Variants in MYH9 observed in about 807,000 individuals in gnomAD.
MYH9 encodes myosin heavy chain 9, also known as myosin-9.
Under a neutral mutation model 241.9 loss-of-function variants are expected in MYH9, and 29 were observed. That is an observed-to-expected ratio of 0.12 (90% confidence interval 0.09 to 0.16). The LOEUF is 0.16. Among genes scored for constraint, MYH9 ranks in the 10% least tolerant of loss-of-function variants. The pLI, the probability that MYH9 is intolerant of heterozygous loss-of-function variation, is 1.00. For missense variants in MYH9, 1,803 were observed against 2,595.5 expected (o/e 0.69, Z 6.63); for synonymous variants, 1,047 against 1,062.6 (o/e 0.99, Z 0.29).
chr22:36,323,202 C>T (rs1043295031), intron 5 of MYH9, among the ~76,000 whole-genome samples: 4 of 152,182 alleles, frequency 2.6e-5, no homozygotes, highest in Non-Finnish European at 4.4e-5. Flanking sequence ...TCCCTGGATC[C>T]CCACCATACT....
chr22:36,386,744 G>A (rs899121668), intron 1 of MYH9, among the ~76,000 whole-genome samples: 9 of 152,242 alleles, frequency 5.9e-5, no homozygotes, highest in Admixed American at 5.2e-4. Context: ...GCTAGTGCTG[G>A]GGGTGCTGAG....
At chr22:36,335,992 G>A (rs990281325) in intron 3 of MYH9, among the ~76,000 whole-genome samples, 1 of 152,192 alleles carries the variant, frequency 6.6e-6, no homozygotes, top group African/African-American at 2.4e-5. Flanking sequence ...CACTCTGAGC[G>A]GCTGCTGGGT....
Position 36,285,583 on chromosome 22 carries a change from C to A in MYH9, c.5274+75G>T. ...AGCTGGCACTTGGCCTGTGCTTCTG[C>A]CGGCTGGGTCCAAGGCCAGCTCTGC... is the stretch of plus-strand genomic sequence containing the variant. On this transcript the variant is annotated intron_variant, in intron 37 of 40. Coordinates refer to ENST00000216181, the MANE Select transcript of MYH9 (RefSeq NM_002473.6). This position sits in a 1 kb window ranked among gnomAD's most constrained non-coding sequence, Gnocchi z 7.0. 2 of 1,597,526 alleles carry A rather than the reference C, an allele frequency of 1.3e-6. No individual in the cohort carries two copies. Among genetic ancestry groups the A allele is most frequent in the Non-Finnish European group, 1.7e-6 (2 of 1,175,360 alleles).
chr22:36,304,301 C>A lies in MYH9; in HGVS notation c.2230-146G>T, dbSNP rs2016935484. ...TGGAGAGCAGAAAGCCATCTCCTCT[C>A]CCTCCTTCTTCCTGTTCCCTATCTC... On this transcript the variant is annotated intron_variant, in intron 18 of 40. Transcript: ENST00000216181. The A allele has an allele frequency of 8.4e-6, 7 of 831,270 alleles. No homozygotes were observed. The Admixed American group carries it at 1.4e-4, about 16-fold the overall frequency. 51.5% of individuals were successfully genotyped at this position (831,270 alleles called of 1,614,324 possible). A position where few individuals can be genotyped will look rare whatever the true frequency, so the allele number is the denominator to read the frequency against.
chr22:36,378,314 C>A lies in MYH9; in HGVS notation c.-20+9493G>T, dbSNP rs117790903. Among the ~76,000 whole-genome samples the A allele has an allele frequency of 5.8e-4, 89 of 152,176 alleles. 1 individual carries two copies. The East Asian group carries it at 0.012, about 20-fold the overall frequency. On this transcript the variant is annotated intron_variant, in intron 1 of 40. Transcript: ENST00000216181. ...AGATGAAGGGGAGGAAGAGGAGGAA[C>A]AGACCACTTCACATCCATTTATAAT...
At chr22:36,319,858 T>G (rs898809380) in intron 9 of MYH9, 11 of 638,324 alleles carry the variant, frequency 1.7e-5, no homozygotes, top group Non-Finnish European at 5.6e-6. Flanking sequence ...CTGTCCGCAC[T>G]GCCATTCATG....
In MYH9 at chr22:36,285,511, TTTCAGGTCCA is replaced by T; in HGVS notation, c.5274+137_5274+146del. ...CCAACACAGAAGCCAGAGGGGGACC[TTTCAGGTCCA>T]GGTGCCTGGACATTTTCCCCTAAGC... On this transcript the variant is annotated intron_variant, in intron 37 of 40. Transcript: ENST00000216181. The surrounding 1 kb of genome is among the most constrained non-coding windows in gnomAD (Gnocchi z 7.0). 7.2e-7 allele frequency: 1 copy of T among 1,391,166 alleles called. No homozygotes were observed. The highest frequency in any genetic ancestry group is 2.0e-5 in the Admixed American group (1 of 51,156). The allele number at this position is 1,391,166 out of a possible 1,614,324, so 86.2% of individuals were successfully genotyped here.
rs2016505985 is a variant in MYH9 at position 36,282,421 on chromosome 22, G to GC, written c.*246dup. On this transcript the variant is annotated 3_prime_UTR_variant, in exon 41 of 41. Coordinates refer to ENST00000216181, the MANE Select transcript of MYH9 (RefSeq NM_002473.6). ...AGCCTGCTGGTCGCTCTCTGCCTGG[G>GC]CCCGGGCCCTGTCTCTTTGGTATCA... 1 of 620,136 alleles carries GC rather than the reference G, an allele frequency of 1.6e-6. No homozygotes were observed. The highest frequency in any genetic ancestry group is 2.6e-5 in the Admixed American group (1 of 38,088). 38.4% of individuals were successfully genotyped at this position (620,136 alleles called of 1,614,324 possible).
chr22:36,287,057 C>T (rs1443592290), intron 34 of MYH9: 15 of 672,288 alleles, frequency 2.2e-5, no homozygotes, highest in South Asian at 1.1e-4. Context: ...TGTTCGTCAC[C>T]GTGGACGTGA....
intron 1 of MYH9, among the ~76,000 whole-genome samples, chr22:36,359,528 G>A (rs2017904478): frequency 6.6e-6 from 1 of 152,210 alleles, no homozygotes; most frequent in Non-Finnish European, 1.5e-5. Flanking sequence ...AAAACAAAAA[G>A]GGAAAGAATG....
intron 1 of MYH9, among the ~76,000 whole-genome samples, chr22:36,354,953 CA>C (rs1371845347): frequency 2.0e-5 from 1 of 49,154 alleles, no homozygotes; most frequent in Admixed American, 2.2e-4. Context: ...AAACAAAAAA[CA>C]AAACACACAC....
intron 31 of MYH9, among the ~76,000 whole-genome samples, chr22:36,291,382 C>A (rs1001905209): frequency 3.3e-5 from 5 of 152,100 alleles, no homozygotes; most frequent in Non-Finnish European, 7.4e-5. Flanking sequence ...ACCTTACCCC[C>A]AACCCTGTGC....
chr22:36,301,331 C>A (rs1217832939), intron 21 of MYH9, among the ~76,000 whole-genome samples: 1 of 152,206 alleles, frequency 6.6e-6, no homozygotes, highest in Non-Finnish European at 1.5e-5. Flanking sequence ...GAACGTTCCA[C>A]TCTATTAAGT....
At chr22:36,349,791 A>C (rs1262880734) in intron 1 of MYH9, among the ~76,000 whole-genome samples, 1 of 152,150 alleles carries the variant, frequency 6.6e-6, no homozygotes, top group Non-Finnish European at 1.5e-5. Context: ...ACAATCAAGA[A>C]AACTATTGTG....
At chr22:36,340,944 A>G (rs1449683004) in intron 3 of MYH9, among the ~76,000 whole-genome samples, 2 of 152,068 alleles carry the variant, frequency 1.3e-5, no homozygotes, top group African/African-American at 4.8e-5. Flanking sequence ...GGCAGAAGCC[A>G]CCCGAGGCTC....
intron 1 of MYH9, among the ~76,000 whole-genome samples, chr22:36,379,812 T>C (rs1432579794): frequency 6.6e-6 from 1 of 152,200 alleles, no homozygotes; most frequent in African/African-American, 2.4e-5. Context: ...GACTCCCAGC[T>C]GCTCCAGCGC....
At chr22:36,382,087 C>T (rs908403568) in intron 1 of MYH9, among the ~76,000 whole-genome samples, 1 of 152,134 alleles carries the variant, frequency 6.6e-6, no homozygotes, top group African/African-American at 2.4e-5. Flanking sequence ...ATTGGCCTCC[C>T]AAAGTGCTGG....
At chr22:36,369,025 C>T (rs993458928) in intron 1 of MYH9, among the ~76,000 whole-genome samples, 2 of 152,044 alleles carry the variant, frequency 1.3e-5, no homozygotes, top group African/African-American at 4.8e-5. Context: ...CACGCTGGTC[C>T]TCCAAGGTGT....
chr22:36,302,207 G>T, intron 20 of MYH9: 1 of 286,972 alleles, frequency 3.5e-6, no homozygotes, highest in East Asian at 8.7e-5. Context: ...TAATTCTTTA[G>T]GCTTTTTGTG....
Sources: gnomAD v4.1 joint callset for allele counts (sites outside exome capture counted in the v4.1 genomes callset) on GRCh38, gnomAD v4.1.1 for gene constraint, Gnocchi (gnomAD v3.1) non-coding constraint, MANE v1.5 for transcripts, NCBI Gene and HGNC (gene_info 2026-07-23, HGNC 2026-07-21) for gene names.